Variants in PAQR3 observed in about 807,000 individuals in gnomAD.
PAQR3 encodes the protein Raf kinase trapping to Golgi.
Under a neutral mutation model 41.7 loss-of-function variants are expected in PAQR3, and 39 were observed. That is an observed-to-expected ratio of 0.93 (90% CI 0.72 to 1.22). The LOEUF is 1.22. PAQR3 is among the 50% of genes most tolerant of loss of function. The pLI, the probability that PAQR3 is intolerant of heterozygous loss-of-function variation, is 0.00. For synonymous variants in PAQR3, 140 were observed against 140.6 expected (o/e 1.00, Z 0.03); for missense variants, 366 against 385.6 (o/e 0.95, Z 0.42).
chr4:78,898,235 T>C (rs1218073980), intron 11 of PAQR3, among the ~76,000 whole-genome samples: 1 of 152,186 alleles, frequency 6.6e-6, no homozygotes, highest in Admixed American at 6.5e-5. Flanking sequence ...CTGTGGGCTT[T>C]ATTATCTAAT....
intron 11 of PAQR3, among the ~76,000 whole-genome samples, chr4:78,905,620 G>A (rs1214177586): frequency 6.6e-6 from 1 of 151,908 alleles, no homozygotes; most frequent in Non-Finnish European, 1.5e-5. Flanking sequence ...ACAGATCTCA[G>A]TAAATATGGG....
At position 78,939,375 on chromosome 4, in the gene PAQR3, C is replaced by G. The variant is rs1259783679; in HGVS notation, c.-151G>C. The G allele has an allele frequency of 2.5e-5, 14 of 552,574 alleles. No individual in the cohort carries two copies. The highest frequency in any genetic ancestry group is 9.7e-5 in the Admixed American group (2 of 20,552). The allele number at this position is 552,574 out of a possible 1,614,324, so 34.2% of individuals were successfully genotyped here. On this transcript the variant is annotated 5_prime_UTR_variant, in exon 1 of 6. Transcript: ENST00000512733. ...TGCCGCTGCTGCCCAGGGCCCGGCT[C>G]TGCGCTCACACCGGCCACTGCCGCC... is the stretch of plus-strand genomic sequence containing the variant.
At chr4:78,905,352 G>C (rs1359095483) in intron 11 of PAQR3, among the ~76,000 whole-genome samples, 1 of 151,754 alleles carries the variant, frequency 6.6e-6, no homozygotes, top group South Asian at 2.1e-4. Context: ...AGAATATCTT[G>C]ACTAGAAACC....
chr4:78,923,664 C>A lies in PAQR3; in HGVS notation c.793+193G>T, dbSNP rs118041676. On this transcript the variant is annotated intron_variant, in intron 5 of 5. Coordinates refer to ENST00000512733, the MANE Select transcript of PAQR3 (RefSeq NM_001040202.2). ...AACAGTGACAACACCACCTACTGGA[C>A]TCAACTCACATGATCAGGATGAAAG... 821 of 597,004 alleles carry A rather than the reference C, an allele frequency of 1.4e-3. 7 individuals carry two copies. The East Asian group carries it at 0.022, about 16-fold the overall frequency. 37.0% of individuals were successfully genotyped at this position (597,004 alleles called of 1,614,324 possible).
chr4:78,927,086 C>A (rs1407085693), intron 3 of PAQR3, among the ~76,000 whole-genome samples: 1 of 152,150 alleles, frequency 6.6e-6, no homozygotes, highest in Admixed American at 6.5e-5. Flanking sequence ...AGATTATAAT[C>A]TTATGGTAGA....
In PAQR3 at chr4:78,920,234, G is replaced by A. The variant is rs866755928; in HGVS notation, c.*305C>T. 12 of 1,041,236 alleles carry A rather than the reference G, an allele frequency of 1.2e-5. No individual in the cohort carries two copies. Among genetic ancestry groups the A allele is most frequent in the African/African-American group, 1.7e-5 (1 of 59,240 alleles). The allele number at this position is 1,041,236 out of a possible 1,614,324, so 64.5% of individuals were successfully genotyped here. On this transcript the variant is annotated 3_prime_UTR_variant, in exon 6 of 6. Coordinates refer to ENST00000512733, the MANE Select transcript of PAQR3 (RefSeq NM_001040202.2). Reference sequence around the variant, plus strand: ...AGCCCTTCCTAAGGAAATTAAGCTGGTGCTAAGTAAAATGAATCCTATTTC... The same window carrying A: ...AGCCCTTCCTAAGGAAATTAAGCTGATGCTAAGTAAAATGAATCCTATTTC...
intron 1 of PAQR3, among the ~76,000 whole-genome samples, chr4:78,937,727 C>T (rs1249173292): frequency 6.6e-6 from 1 of 152,200 alleles, no homozygotes; most frequent in African/African-American, 2.4e-5. Context: ...TGTTAAGTGG[C>T]AGATTTGGAT....
Position 78,914,765 on chromosome 4 carries a change from T to C in PAQR3, c.*5774A>G, listed in dbSNP as rs1734903687. 6.6e-6 allele frequency: 1 copy of C among 151,492 alleles called. No homozygotes were observed. The highest frequency in any genetic ancestry group is 2.4e-5 in the African/African-American group (1 of 41,288). 9.4% of individuals were successfully genotyped at this position (151,492 alleles called of 1,614,324 possible). On this transcript the variant is annotated 3_prime_UTR_variant, in exon 6 of 6. Coordinates refer to ENST00000512733, the MANE Select transcript of PAQR3 (RefSeq NM_001040202.2). ...TTGGGGTTTTTTTTCCCTAATATTATTTGGGTGTCCCCTGTGCTTCTTTAG... is the reference window on the plus strand; with the variant it reads ...TTGGGGTTTTTTTTCCCTAATATTACTTGGGTGTCCCCTGTGCTTCTTTAG...
At chr4:78,933,165 G>C (rs768815134) in intron 2 of PAQR3, 1 of 456,138 alleles carries the variant, frequency 2.2e-6, no homozygotes, top group South Asian at 1.5e-5. Flanking sequence ...GCACACCTAC[G>C]AGTGGCTTGA....
intron 11 of PAQR3, chr4:78,906,063 G>A (rs1200339963): frequency 6.6e-6 from 1 of 151,984 alleles, no homozygotes; most frequent in Admixed American, 6.6e-5. Flanking sequence ...GTAGTTTCAT[G>A]ATGAATAGAT....
Position 78,918,015 on chromosome 4 carries a change from CAAAA to C in PAQR3, c.*2520_*2523del, listed in dbSNP as rs536268244. 7.1e-6 allele frequency: 7 copies of C among 981,052 alleles called. No homozygotes were observed. In the Admixed American group the frequency reaches 1.9e-4, roughly 26 times the overall value. 60.8% of individuals were successfully genotyped at this position (981,052 alleles called of 1,614,324 possible). A position where few individuals can be genotyped will look rare whatever the true frequency, so the allele number is the denominator to read the frequency against. ...TACTGAATTGCAGTTAGTGTAATAACAAAAAAAGACAAGCACTGTCTTGCTATTT... is the reference window on the plus strand; with the variant it reads ...TACTGAATTGCAGTTAGTGTAATAACAAAGACAAGCACTGTCTTGCTATTT... On this transcript the variant is annotated 3_prime_UTR_variant, in exon 6 of 6. Coordinates refer to ENST00000512733, the MANE Select transcript of PAQR3 (RefSeq NM_001040202.2).
chr4:78,898,200 C>T (rs909027617), intron 11 of PAQR3, among the ~76,000 whole-genome samples: 4 of 152,118 alleles, frequency 2.6e-5, no homozygotes, highest in African/African-American at 7.2e-5. Flanking sequence ...ACTTCCTCAA[C>T]GCTCCCAAAG....
chr4:78,920,819 A>C, intron 5 of PAQR3, 138 bp from the exon 6 acceptor site: 1 of 879,752 alleles, frequency 1.1e-6, no homozygotes. Context: ...GAAGCTCCAA[A>C]CGTTTTTAGA....
rs1384113366 is a variant in PAQR3, at chr4:78,920,528, C to T, written c.*11G>A. 1.2e-6 allele frequency: 2 copies of T among 1,603,486 alleles called. No homozygotes were observed. Among genetic ancestry groups the T allele is most frequent in the Admixed American group, 1.7e-5 (1 of 58,796 alleles). On this transcript the variant is annotated 3_prime_UTR_variant, in exon 6 of 6. Coordinates refer to ENST00000512733, the MANE Select transcript of PAQR3 (RefSeq NM_001040202.2). ...CTTAACAACTGAATTCACCAGGTGG[C>T]CATACCTAATTCACAAATGTGAAAC...
chr4:78,898,987 T>C (rs1733856524), intron 11 of PAQR3: 1 of 152,290 alleles, frequency 6.6e-6, no homozygotes, highest in Non-Finnish European at 1.5e-5. Context: ...GACCTCAATA[T>C]GGTGACCTCC....
chr4:78,938,582 C>T (rs545422908), intron 1 of PAQR3, among the ~76,000 whole-genome samples: 1 of 152,154 alleles, frequency 6.6e-6, no homozygotes, highest in South Asian at 2.1e-4. Context: ...GCATGGGCTC[C>T]ATAAGTATTT....
exon 13 of PAQR3, chr4:78,887,181 C>T (rs1408901440): frequency 4.4e-6 from 7 of 1,600,086 alleles, no homozygotes; most frequent in Admixed American, 3.4e-5. Context: ...CAGATAGGCT[C>T]GAGGAGAGAG....
rs77366304 is a variant in PAQR3, at chr4:78,917,557, G to GTGATTGAT, written c.*2981_*2982insATCAATCA. On this transcript the variant is annotated 3_prime_UTR_variant, in exon 6 of 6. Transcript: ENST00000512733. ...CCTCTTTAGTGTAAACACAGTTATT[G>GTGATTGAT]TGATAATGCACACAGAAGGTATTTC... 3.3e-5 allele frequency: 5 copies of GTGATTGAT among 152,412 alleles called. No individual in the cohort carries two copies. The East Asian group carries it at 9.7e-4, about 30-fold the overall frequency. The allele number at this position is 152,412 out of a possible 1,614,324, so 9.4% of individuals were successfully genotyped here.
intron 1 of PAQR3, among the ~76,000 whole-genome samples, chr4:78,936,451 G>T (rs939203550): frequency 6.6e-6 from 1 of 152,082 alleles, no homozygotes; most frequent in East Asian, 1.9e-4. Context: ...TTCATTTCTT[G>T]TAACAATGAA....
Sources: gnomAD v4.1 joint callset for allele counts (sites outside exome capture counted in the v4.1 genomes callset) on GRCh38, gnomAD v4.1.1 for gene constraint, MANE v1.5 for transcripts, NCBI Gene and HGNC (gene_info 2026-07-23, HGNC 2026-07-21) for gene names.